Variants in SLC7A8 observed in about 807,000 individuals in gnomAD.
SLC7A8 encodes the protein solute carrier family 7 member 8, also known as large neutral amino acids transporter small subunit 2.
A neutral mutation model predicts 51.2 loss-of-function variants in SLC7A8; 30 were observed. The ratio of observed to expected loss-of-function variants is 0.59; its 90% CI spans 0.44 to 0.80. The LOEUF is 0.80. Ranked by LOEUF, SLC7A8 falls within the 30% of genes least tolerant of loss-of-function variation. The probability of loss-of-function intolerance (pLI) is 0.00; values close to 1 mark genes in which losing one functional copy is unlikely to be tolerated. For missense variants in SLC7A8, 612 were observed against 674.4 expected (o/e 0.91, Z 1.03); for synonymous variants, 257 against 275.8 (o/e 0.93, Z 0.67).
rs535078072 is a variant in SLC7A8 at position 23,126,867 on chromosome 14, G to A, written c.*310C>T. The stretch of plus-strand genomic sequence containing the variant: ...GTAATGAGCTCCGGTTCCTGAAGAG[G>A]CAGCTGAGGGTGTGGCCCGGAGGGA... On this transcript the variant is annotated 3_prime_UTR_variant, in exon 11 of 11. Transcript: ENST00000316902. 1.6e-4 allele frequency: 66 copies of A among 405,738 alleles called. No individual in the cohort carries two copies. The highest frequency in any genetic ancestry group is 1.2e-3 in the African/African-American group (62 of 49,864). 25.1% of individuals were successfully genotyped at this position (405,738 alleles called of 1,614,324 possible). A position where few individuals can be genotyped will look rare whatever the true frequency, so the allele number is the denominator to read the frequency against.
intron 1 of SLC7A8, among the ~76,000 whole-genome samples, chr14:23,182,014 T>C (rs1439824101): frequency 6.6e-6 from 1 of 152,196 alleles, no homozygotes; most frequent in Admixed American, 6.5e-5. Flanking sequence ...TACCCATCAG[T>C]TCCTCCTCAA....
intron 3 of SLC7A8, among the ~76,000 whole-genome samples, chr14:23,154,618 G>C (rs1998055): frequency 0.16 from 24,827 of 152,200 alleles, 2,161 homozygotes; most frequent in South Asian, 0.25. Context: ...AAAAGGCGCT[G>C]ATAGGCAAAG....
intron 4 of SLC7A8, among the ~76,000 whole-genome samples, chr14:23,140,855 G>A (rs986859552): frequency 2.6e-5 from 4 of 152,206 alleles, no homozygotes; most frequent in African/African-American, 7.2e-5. Context: ...TTTAAGTGCC[G>A]TTCTGAATGC....
chr14:23,131,579 C>T (rs1205263135), intron 7 of SLC7A8, 22 bp from the exon 8 acceptor site: 1 of 1,576,358 alleles, frequency 6.3e-7, no homozygotes, highest in Admixed American at 1.8e-5. Flanking sequence ...AAAAGCAGGT[C>T]AGCCTGGGAT....
At chr14:23,155,749 G>A (rs917169348) in intron 3 of SLC7A8, among the ~76,000 whole-genome samples, 8 of 152,050 alleles carry the variant, frequency 5.3e-5, no homozygotes, top group African/African-American at 1.9e-4. Context: ...ATGAGAATGG[G>A]TTCTGTTGAG....
At chr14:23,155,286 G>C (rs925303581) in intron 3 of SLC7A8, 1 of 1,535,782 alleles carries the variant, frequency 6.5e-7, no homozygotes, top group Non-Finnish European at 8.7e-7. Flanking sequence ...AGCTGTGAGG[G>C]CTGTGAGTGC....
chr14:23,162,545 G>T (rs929269516), intron 3 of SLC7A8, among the ~76,000 whole-genome samples: 2 of 152,164 alleles, frequency 1.3e-5, no homozygotes, highest in East Asian at 1.9e-4. Context: ...GAGGAGGGGG[G>T]TCTTGTCATT....
In SLC7A8 at chr14:23,144,341, ATT is replaced by A. The variant is rs67517828; in HGVS notation, c.509-1139_509-1138del. Among the ~76,000 whole-genome samples, 241 of 114,304 alleles carry A rather than the reference ATT, an allele frequency of 2.1e-3. 2 individuals are homozygous for A. Among genetic ancestry groups the A allele is most frequent in the African/African-American group, 5.4e-3 (173 of 32,042 alleles). 75.0% of individuals were successfully genotyped at this position (114,304 alleles called of 152,430 possible). ...ATTTGGTATTGTCAGTTTAAACACA[ATT>A]TTTTTTTTTTTTTTTTTTTTGGCTA... On this transcript the variant is annotated intron_variant, in intron 3 of 10. Transcript: ENST00000316902.
rs117123899 is a variant in SLC7A8, at chr14:23,143,340, C to T, written c.509-136G>A. ...TGAGCCAGACATCCAGCAAGCTCAA[C>T]CCCAGGGACCAGAGACTTTGGCTAG... On this transcript the variant is annotated intron_variant, in intron 3 of 10. Coordinates refer to ENST00000316902, the MANE Select transcript of SLC7A8 (RefSeq NM_012244.4). 5.9e-3 allele frequency: 7,140 copies of T among 1,216,660 alleles called. 33 individuals are homozygous for T. The highest frequency in any genetic ancestry group is 8.3e-3 in the Admixed American group (362 of 43,500). 75.4% of individuals were successfully genotyped at this position (1,216,660 alleles called of 1,614,324 possible).
At chr14:23,148,819 T>C (rs2048821237) in intron 3 of SLC7A8, among the ~76,000 whole-genome samples, 1 of 152,196 alleles carries the variant, frequency 6.6e-6, no homozygotes, top group Non-Finnish European at 1.5e-5. Context: ...CGCTAGAGTT[T>C]AGGACTTCTG....
At chr14:23,129,923 G>A (rs2048616988) in intron 8 of SLC7A8, 124 bp from the exon 9 acceptor site, 2 of 1,081,972 alleles carry the variant, frequency 1.8e-6, no homozygotes, top group South Asian at 3.1e-5. Flanking sequence ...TCTCGAAATG[G>A]AGACTTTAGA....
At chr14:23,135,145 TGTCACGATCTCGGCTCA>T (rs2048677113) in intron 7 of SLC7A8, among the ~76,000 whole-genome samples, 1 of 152,052 alleles carries the variant, frequency 6.6e-6, no homozygotes, top group Non-Finnish European at 1.5e-5. Flanking sequence ...TGGAGTGCAG[TGTCACGATCTCGGCTCA>T]CTGCAACCTC....
intron 3 of SLC7A8, among the ~76,000 whole-genome samples, chr14:23,150,443 T>C (rs556664324): frequency 6.6e-6 from 1 of 152,284 alleles, no homozygotes; most frequent in South Asian, 2.1e-4. Context: ...GTCGGCTCTC[T>C]CAGAGGGACC....
At chr14:23,145,400 G>A (rs898876506) in intron 3 of SLC7A8, among the ~76,000 whole-genome samples, 4 of 151,250 alleles carry the variant, frequency 2.6e-5, no homozygotes, top group South Asian at 2.1e-4. Flanking sequence ...GTGGTGGCGC[G>A]CCTGTAATCC....
rs1029502677 is a variant in SLC7A8 at position 23,180,973 on chromosome 14, G to A, written c.151+1791C>T. Reference sequence around the variant, plus strand: ...ACCCGGGAGGCGGAGCTTGCAGTGAGCCGAGATCGCGCCACTGCACTCCAG... The same window carrying A: ...ACCCGGGAGGCGGAGCTTGCAGTGAACCGAGATCGCGCCACTGCACTCCAG... On this transcript the variant is annotated intron_variant, in intron 1 of 10. Coordinates refer to ENST00000316902, the MANE Select transcript of SLC7A8 (RefSeq NM_012244.4). Among the ~76,000 whole-genome samples, 12 of 152,212 alleles carry A rather than the reference G, an allele frequency of 7.9e-5. 1 individual carries two copies. The highest frequency in any genetic ancestry group is 6.5e-4 in the Admixed American group (10 of 15,284).
At chr14:23,155,255 C>CA in intron 3 of SLC7A8, 1 of 1,536,174 alleles carries the variant, frequency 6.5e-7, no homozygotes, top group Non-Finnish European at 8.7e-7. Flanking sequence ...GACACACCAG[C>CA]AGAGGAGGAG....
At chr14:23,138,167 T>C in intron 6 of SLC7A8, 143 bp from the exon 7 acceptor site, 1 of 1,032,108 alleles carries the variant, frequency 9.7e-7, no homozygotes, top group Non-Finnish European at 1.4e-6. Flanking sequence ...GCCCCCACCC[T>C]CTCAAGGGTG....
intron 5 of SLC7A8, among the ~76,000 whole-genome samples, chr14:23,140,268 T>C (rs1186836006): frequency 6.6e-6 from 1 of 152,222 alleles, no homozygotes; most frequent in African/African-American, 2.4e-5. Context: ...GGAAAGTCAC[T>C]GGATCCTTTC....
intron 8 of SLC7A8, among the ~76,000 whole-genome samples, chr14:23,131,223 C>T (rs907789217): frequency 1.1e-4 from 16 of 152,122 alleles, no homozygotes; most frequent in Admixed American, 1.3e-4. Flanking sequence ...GATGGGAGAA[C>T]GGAAATAAGT....
Sources: gnomAD v4.1 joint callset for allele counts (sites outside exome capture counted in the v4.1 genomes callset) on GRCh38, gnomAD v4.1.1 for gene constraint, MANE v1.5 for transcripts, NCBI Gene and HGNC (gene_info 2026-07-23, HGNC 2026-07-21) for gene names.